MRPS11: variants seen among roughly 807,000 people sequenced by gnomAD.
MRPS11 encodes small ribosomal subunit protein uS11m.
MRPS11 carries 27 observed loss-of-function variants against 24.3 expected under a neutral mutation model. The ratio of observed to expected loss-of-function variants is 1.11; its 90% CI spans 0.82 to 1.53. MRPS11 has a LOEUF of 1.53. MRPS11 is among the 40% of genes most tolerant of loss of function. MRPS11 has a pLI of 0.00. For missense variants in MRPS11, 277 were observed against 256.5 expected (o/e 1.08, Z -0.55); for synonymous variants, 104 against 98.7 (o/e 1.05, Z -0.32).
At position 88,475,906 on chromosome 15, in the gene MRPS11, G is replaced by A. The variant is rs1030600947; in HGVS notation, c.411+667G>A. On this transcript the variant is annotated intron_variant, in intron 4 of 5. Transcript: ENST00000325844. The surrounding 1 kb of genome is among the most constrained non-coding windows in gnomAD (Gnocchi z 4.1). The stretch of plus-strand genomic sequence containing the variant: ...CAGGAGGTGGAGGTTGCAGTGACTC[G>A]AGATCACACCACTGCACTCCAGCCT... 2.0e-5 allele frequency among the ~76,000 whole-genome samples: 3 copies of A among 151,776 alleles called. No individual in the cohort carries two copies. Among genetic ancestry groups the A allele is most frequent in the East Asian group, 1.9e-4 (1 of 5,168 alleles).
In MRPS11 at chr15:88,475,845, T is replaced by C. The variant is rs905283703; in HGVS notation, c.411+606T>C. On this transcript the variant is annotated intron_variant, in intron 4 of 5. Coordinates refer to ENST00000325844, the MANE Select transcript of MRPS11 (RefSeq NM_022839.5). This position sits in a 1 kb window ranked among gnomAD's most constrained non-coding sequence, Gnocchi z 4.1. ...GGTGGTGCGCGCCTGTAGTCCCAGG[T>C]ACTCGGGAGGCTGAGGCAGGAGAAT... Among the ~76,000 whole-genome samples, 2 of 151,918 alleles carry C rather than the reference T, an allele frequency of 1.3e-5. No homozygotes were observed. The highest frequency in any genetic ancestry group is 4.8e-5 in the African/African-American group (2 of 41,320).
chr15:88,475,230 C>T lies in MRPS11; in HGVS notation c.402C>T (p.Ala134=), dbSNP rs113894030. The part of the protein sequence containing the change: ...TGIAAQTAGI[A]AAARAKQKGV... Reference sequence around the variant, plus strand: ...TCGCAGCACAGACAGCAGGCATAGCCGCAGCGGCGGTAAGTGTGTGTTCCT... The same window carrying T: ...TCGCAGCACAGACAGCAGGCATAGCTGCAGCGGCGGTAAGTGTGTGTTCCT... The change falls in exon 4 of 6, where the codon GCC becomes GCT. Residue 134 remains alanine, a synonymous_variant. Transcript: ENST00000325844. The surrounding 1 kb of genome is among the most constrained non-coding windows in gnomAD (Gnocchi z 4.1). 471 of 1,614,186 alleles carry T rather than the reference C, an allele frequency of 2.9e-4. No individual in the cohort carries two copies. The African/African-American group carries it at 3.4e-3, about 12-fold the overall frequency.
chr15:88,467,900 C>T lies in MRPS11; in HGVS notation c.66-8C>T, dbSNP rs372731571. On this transcript the variant is annotated splice_region_variant and splice_polypyrimidine_tract_variant and intron_variant, in intron 1 of 5. Transcript: ENST00000325844. ...AGGCCGTGGCCCTCACCGAGCTTTT[C>T]TTCCCAGCAGGGTCGTGGCCAGAAC... 4 of 1,613,600 alleles carry T rather than the reference C, an allele frequency of 2.5e-6. No homozygotes were observed. The African/African-American group carries it at 5.3e-5, about 22-fold the overall frequency.
Position 88,475,325 on chromosome 15 carries a change from A to G in MRPS11, c.411+86A>G. 1.3e-6 allele frequency: 2 copies of G among 1,559,322 alleles called. No homozygotes were observed. The highest frequency in any genetic ancestry group is 1.7e-6 in the Non-Finnish European group (2 of 1,148,430). Reference sequence around the variant, plus strand: ...CTGAGTGGAGAATCCTCATTATACTACCCATTCAGAAGCAAGGGTTTGTCA... The same window carrying G: ...CTGAGTGGAGAATCCTCATTATACTGCCCATTCAGAAGCAAGGGTTTGTCA... On this transcript the variant is annotated intron_variant, in intron 4 of 5. Coordinates refer to ENST00000325844, the MANE Select transcript of MRPS11 (RefSeq NM_022839.5). This position sits in a 1 kb window ranked among gnomAD's most constrained non-coding sequence, Gnocchi z 4.1.
At chr15:88,474,552 T>TC (rs371674611) in intron 3 of MRPS11, among the ~76,000 whole-genome samples, 8,670 of 143,512 alleles carry the variant, frequency 0.06, 980 homozygotes, top group African/African-American at 0.24. Flanking sequence ...AGAGCAAAAC[T>TC]CCATCTCAAA....
chr15:88,468,069 A>T (rs1437301932), intron 2 of MRPS11, 45 bp downstream of exon 2: 1 of 1,559,808 alleles, frequency 6.4e-7, no homozygotes, highest in Non-Finnish European at 8.7e-7. Context: ...GCAACCCCTG[A>T]CTCTTGCCCG....
At chr15:88,471,067 A>T (rs1425420841) in intron 2 of MRPS11, among the ~76,000 whole-genome samples, 1 of 152,190 alleles carries the variant, frequency 6.6e-6, no homozygotes. Context: ...GTGGGCACAG[A>T]TGTTCAGTAG....
Position 88,477,791 on chromosome 15 carries a change from C to A in MRPS11, c.478-81C>A. The A allele has an allele frequency of 8.1e-7, 1 of 1,232,120 alleles. No individual in the cohort carries two copies. The highest frequency in any genetic ancestry group is 1.2e-6 in the Non-Finnish European group (1 of 847,682). The allele number at this position is 1,232,120 out of a possible 1,614,324, so 76.3% of individuals were successfully genotyped here. On this transcript the variant is annotated intron_variant, in intron 5 of 5. Coordinates refer to ENST00000325844, the MANE Select transcript of MRPS11 (RefSeq NM_022839.5). This position sits in a 1 kb window ranked among gnomAD's most constrained non-coding sequence, Gnocchi z 5.7. Reference sequence around the variant, plus strand: ...CGTTCCCTTCTCTACGCCACCCTGTCCCTCTCCGAACCCTGCCTGGAGACA... The same window carrying A: ...CGTTCCCTTCTCTACGCCACCCTGTACCTCTCCGAACCCTGCCTGGAGACA...
rs774759448 is a variant in MRPS11 at position 88,475,126 on chromosome 15, G to A, written c.298G>A (p.Val100Ile). The A allele has an allele frequency of 3.6e-5, 58 of 1,614,108 alleles. No individual in the cohort carries two copies. Among genetic ancestry groups the A allele is most frequent in the Non-Finnish European group, 4.7e-5 (56 of 1,180,046 alleles). ...TTTTCTCAGCACACAGATCCAGGTA[G>A]TCTCTGCTAGTAATGAGCCCCTTGC... ...ASHNNTQIQV[V>I]SASNEPLAFA... The change falls in exon 4 of 6, where the codon GTC becomes ATC. Residue 100 changes from valine to isoleucine, a missense_variant. Physicochemically the swap from Val to Ile is conservative, Grantham distance 29. Transcript: ENST00000325844. This position sits in a 1 kb window ranked among gnomAD's most constrained non-coding sequence, Gnocchi z 4.1.
Position 88,477,531 on chromosome 15 carries a change from A to G in MRPS11, c.478-341A>G, listed in dbSNP as rs2055847342. 6.6e-6 allele frequency among the ~76,000 whole-genome samples: 1 copy of G among 152,204 alleles called. No homozygotes were observed. Among genetic ancestry groups the G allele is most frequent in the Admixed American group, 6.5e-5 (1 of 15,288 alleles). On this transcript the variant is annotated intron_variant, in intron 5 of 5. Coordinates refer to ENST00000325844, the MANE Select transcript of MRPS11 (RefSeq NM_022839.5). This position sits in a 1 kb window ranked among gnomAD's most constrained non-coding sequence, Gnocchi z 5.7. Reference sequence around the variant, plus strand: ...GGAGGCACAGCAGGTACGGGGGGACATTGCAGGCAGAGAAAACTGCCTGAG... The same window carrying G: ...GGAGGCACAGCAGGTACGGGGGGACGTTGCAGGCAGAGAAAACTGCCTGAG...
chr15:88,473,292 G>A (rs1396741145), intron 3 of MRPS11, among the ~76,000 whole-genome samples: 2 of 152,164 alleles, frequency 1.3e-5, no homozygotes, highest in Admixed American at 6.5e-5. Flanking sequence ...AGTGCCAAGG[G>A]AATTCCCAAA....
Position 88,475,335 on chromosome 15 carries a change from A to G in MRPS11, c.411+96A>G. On this transcript the variant is annotated intron_variant, in intron 4 of 5. Transcript: ENST00000325844. The surrounding 1 kb of genome is among the most constrained non-coding windows in gnomAD (Gnocchi z 4.1). ...AATCCTCATTATACTACCCATTCAGAAGCAAGGGTTTGTCATGGCAGCTTT... is the reference window on the plus strand; with the variant it reads ...AATCCTCATTATACTACCCATTCAGGAGCAAGGGTTTGTCATGGCAGCTTT... The G allele has an allele frequency of 6.5e-7, 1 of 1,533,724 alleles. No homozygotes were observed. Among genetic ancestry groups the G allele is most frequent in the Non-Finnish European group, 8.8e-7 (1 of 1,132,722 alleles).
chr15:88,479,777 C>T lies in MRPS11; in HGVS notation c.*1798C>T, dbSNP rs1286094999. On this transcript the variant is annotated 3_prime_UTR_variant, in exon 6 of 6. Transcript: ENST00000325844. ...TGGTGGACAGAGGGCCCGTAGCCAT[C>T]AGACAGTTCAATCAGGGTCTGAGCA... 1.3e-5 allele frequency: 2 copies of T among 152,274 alleles called. No homozygotes were observed. Among genetic ancestry groups the T allele is most frequent in the African/African-American group, 4.8e-5 (2 of 41,462 alleles). The allele number at this position is 152,274 out of a possible 1,614,324, so 9.4% of individuals were successfully genotyped here.
rs752326942 is a variant in MRPS11, at chr15:88,467,747, G to C, written c.30G>C (p.Arg10=). 6.2e-6 allele frequency: 10 copies of C among 1,613,946 alleles called. No homozygotes were observed. The South Asian group carries it at 1.1e-4, about 18-fold the overall frequency. Reference sequence around the variant, plus strand: ...AGGCTGTGAGAAACGCGGGGTCGCGGTTCCTGCGGTCCTGGACTTGGCCCC... The same window carrying C: ...AGGCTGTGAGAAACGCGGGGTCGCGCTTCCTGCGGTCCTGGACTTGGCCCC... MQAVRNAGS[R]FLRSWTWPQT... The change falls in exon 1 of 6, where the codon CGG becomes CGC. Residue 10 remains arginine (R), a synonymous_variant. Transcript: ENST00000325844.
At chr15:88,470,436 C>A (rs933790056) in intron 2 of MRPS11, among the ~76,000 whole-genome samples, 2 of 152,104 alleles carry the variant, frequency 1.3e-5, no homozygotes, top group African/African-American at 4.8e-5. Context: ...TCATTAATAC[C>A]ATAAATGTAG....
At chr15:88,468,340 T>G in intron 2 of MRPS11, 1 of 1,120,460 alleles carries the variant, frequency 8.9e-7, no homozygotes, top group Non-Finnish European at 1.1e-6. Flanking sequence ...ACCAATAACC[T>G]TCCCTGCCTC....
In MRPS11 at chr15:88,477,815, C is replaced by T; in HGVS notation, c.478-57C>T. On this transcript the variant is annotated intron_variant, in intron 5 of 5. Coordinates refer to ENST00000325844, the MANE Select transcript of MRPS11 (RefSeq NM_022839.5). The surrounding 1 kb of genome is among the most constrained non-coding windows in gnomAD (Gnocchi z 5.7). ...TCCCTCTCCGAACCCTGCCTGGAGA[C>T]ACTGGATCATCATTTCTGGGACCAT... The T allele has an allele frequency of 6.6e-7, 1 of 1,506,412 alleles. No homozygotes were observed. The highest frequency in any genetic ancestry group is 9.2e-7 in the Non-Finnish European group (1 of 1,086,082). 93.3% of individuals were successfully genotyped at this position (1,506,412 alleles called of 1,614,324 possible). A position where few individuals can be genotyped will look rare whatever the true frequency, so the allele number is the denominator to read the frequency against.
chr15:88,467,755 G>T lies in MRPS11; in HGVS notation c.38G>T (p.Arg13Leu). ...AVRNAGSRFL[R>L]SWTWPQTAGR... ...AGAAACGCGGGGTCGCGGTTCCTGC[G>T]GTCCTGGACTTGGCCCCAGACAGCC... The change falls in exon 1 of 6, where the codon CGG (arginine) becomes CTG (leucine). Residue 13 changes from arginine to leucine, a missense_variant. Coordinates refer to ENST00000325844, the MANE Select transcript of MRPS11 (RefSeq NM_022839.5). 3.1e-6 allele frequency: 5 copies of T among 1,614,024 alleles called. No homozygotes were observed. The highest frequency in any genetic ancestry group is 1.6e-4 in the Middle Eastern group (1 of 6,062).
At position 88,472,637 on chromosome 15, in the gene MRPS11, C is replaced by A; in HGVS notation, c.193C>A (p.Pro65Thr). 1 of 1,613,600 alleles carries A rather than the reference C, an allele frequency of 6.2e-7. No homozygotes were observed. The change falls in exon 3 of 6, where the codon CCC (proline) becomes ACC (threonine). Residue 65 changes from proline to threonine, a missense_variant. Pro to Thr is a conservative substitution (Grantham distance 38, BLOSUM62 -1). Coordinates refer to ENST00000325844, the MANE Select transcript of MRPS11 (RefSeq NM_022839.5). ...TTCTTCTAATTGCAGCATTTACCCT[C>A]CCATTCCAGGAGAGGAGAGCTCTCT... ...PSHTKFSIYP[P>T]IPGEESSLRW...
Sources: gnomAD v4.1 joint callset for allele counts (sites outside exome capture counted in the v4.1 genomes callset) on GRCh38, gnomAD v4.1.1 for gene constraint, Gnocchi (gnomAD v3.1) non-coding constraint, MANE v1.5 for transcripts, NCBI Gene and HGNC (gene_info 2026-07-23, HGNC 2026-07-21) for gene names.